The following AKAP9 variants were observed in gnomAD, a reference collection of about 807,000 sequenced individuals.
AKAP9 encodes the protein A-kinase anchor protein 9.
In AKAP9, 311 loss-of-function variants were observed where a neutral mutation model predicts 488.5. The observed-to-expected ratio is 0.64, with a 90% CI of 0.58 to 0.70. The LOEUF (loss-of-function observed/expected upper bound fraction) is 0.70. Among genes scored for constraint, AKAP9 ranks in the 30% least tolerant of loss-of-function variants. AKAP9 has a pLI of 0.00. For missense variants in AKAP9, 4,215 were observed against 4,374.5 expected (o/e 0.96, Z 1.03); for synonymous variants, 1,462 against 1,483.5 (o/e 0.99, Z 0.33).
At chr7:91,980,607 CAT>C (rs982534830) in intron 3 of AKAP9, among the ~76,000 whole-genome samples, 4 of 134,668 alleles carry the variant, frequency 3.0e-5, no homozygotes, top group Non-Finnish European at 6.2e-5. Flanking sequence ...GTTTCTTAGA[CAT>C]GTGACTGTTA....
At position 92,107,407 on chromosome 7, in the gene AKAP9, T is replaced by TA; in HGVS notation, c.11532dup (p.Pro3845ThrfsTer5). 6.2e-7 allele frequency: 1 copy of TA among 1,613,708 alleles called. No homozygotes were observed. The highest frequency in any genetic ancestry group is 8.5e-7 in the Non-Finnish European group (1 of 1,179,780). On this transcript the variant is annotated frameshift_variant, in exon 48 of 50. Coordinates refer to ENST00000356239, the MANE Select transcript of AKAP9 (RefSeq NM_005751.5). LOFTEE classifies it high-confidence loss of function. Reference sequence around the variant, plus strand: ...GATCTGGACTATATTAGGTCCCCTTTACCATTTCAGAATAGGTAAGAATAT... The same window carrying TA: ...GATCTGGACTATATTAGGTCCCCTTTAACCATTTCAGAATAGGTAAGAATAT...
chr7:92,050,799 A>T (rs968172960), intron 21 of AKAP9, among the ~76,000 whole-genome samples: 5 of 152,164 alleles, frequency 3.3e-5, no homozygotes, highest in Admixed American at 6.6e-5. Context: ...AAATCCCATT[A>T]ACACTTCAGA....
intron 1 of AKAP9, 82 bp downstream of exon 1, chr7:91,941,229 C>A: frequency 7.1e-7 from 1 of 1,399,914 alleles, no homozygotes; most frequent in South Asian, 1.2e-5. Flanking sequence ...AAGCGGAGTT[C>A]GCCGCAGCCC....
At chr7:92,038,130 T>C (rs1805488350) in intron 16 of AKAP9, among the ~76,000 whole-genome samples, 1 of 152,168 alleles carries the variant, frequency 6.6e-6, no homozygotes, top group South Asian at 2.1e-4. Flanking sequence ...AAGAGAGAAA[T>C]ATAAGGGCTT....
Position 91,992,091 on chromosome 7 carries a change from G to A in AKAP9, c.352-67G>A, listed in dbSNP as rs549302363. On this transcript the variant is annotated intron_variant, in intron 3 of 49. Coordinates refer to ENST00000356239, the MANE Select transcript of AKAP9 (RefSeq NM_005751.5). ...GACATACACGTGAATACAGTTAACA[G>A]AAATATTGTTAGCTAAATAAAATTA... 7.6e-6 allele frequency: 10 copies of A among 1,314,522 alleles called. No homozygotes were observed. The African/African-American group carries it at 1.2e-4, about 15-fold the overall frequency. The allele number at this position is 1,314,522 out of a possible 1,614,324, so 81.4% of individuals were successfully genotyped here.
intron 28 of AKAP9, among the ~76,000 whole-genome samples, chr7:92,075,175 T>A (rs1812377705): frequency 6.6e-6 from 1 of 152,060 alleles, no homozygotes. Context: ...ACTCTACTGC[T>A]CTCGAGACCA....
chr7:92,077,743 G>A lies in AKAP9; in HGVS notation c.6813G>A (p.Met2271Ile). Reference sequence around the variant, plus strand: ...TTGCCATAAAGGAATCTGATGCCATGTCTACTCAAGACCAACATGTGCTAT... The same window carrying A: ...TTGCCATAAAGGAATCTGATGCCATATCTACTCAAGACCAACATGTGCTAT... ...LGLAIKESDA[M>I]STQDQHVLFG... The change falls in exon 30 of 50, where the codon ATG becomes ATA. Residue 2271 changes from methionine (M) to isoleucine (I), a missense_variant. Met to Ile is a conservative substitution (Grantham distance 10). Transcript: ENST00000356239. The A allele has an allele frequency of 6.2e-7, 1 of 1,613,850 alleles. No homozygotes were observed. The highest frequency in any genetic ancestry group is 8.5e-7 in the Non-Finnish European group (1 of 1,179,922).
intron 31 of AKAP9, among the ~76,000 whole-genome samples, chr7:92,080,770 A>G (rs2130864594): frequency 6.6e-6 from 1 of 152,340 alleles, no homozygotes; most frequent in South Asian, 2.1e-4. Flanking sequence ...AATAAAATAC[A>G]GAAATAGCTT....
rs1806751873 is a variant in AKAP9, at chr7:92,045,133, G to A, written c.5288G>A (p.Ser1763Asn). 6.2e-7 allele frequency: 1 copy of A among 1,613,650 alleles called. No individual in the cohort carries two copies. Among genetic ancestry groups the A allele is most frequent in the Non-Finnish European group, 8.5e-7 (1 of 1,179,934 alleles). Residue 1763 changes from serine to asparagine, a missense_variant, in exon 21 of 50, where the codon AGC becomes AAC. Ser to Asn is a conservative substitution (Grantham distance 46, BLOSUM62 1). Coordinates refer to ENST00000356239, the MANE Select transcript of AKAP9 (RefSeq NM_005751.5). ...VLGILDRSSK[S>N]QSSASLIWRS... ...GGGATTCTAGATAGATCTAGTAAAAGCCAGTCATCTGCCAGCCTAATTTGG... is the reference window on the plus strand; with the variant it reads ...GGGATTCTAGATAGATCTAGTAAAAACCAGTCATCTGCCAGCCTAATTTGG...
chr7:91,973,541 C>G (rs905396731), intron 1 of AKAP9, 170 bp from the exon 2 acceptor site: 11 of 715,802 alleles, frequency 1.5e-5, no homozygotes, highest in Non-Finnish European at 2.0e-5. Context: ...AGAAATGTTT[C>G]TTTGCATTCC....
At chr7:92,014,447 G>T (rs1358618281) in intron 10 of AKAP9, 119 bp downstream of exon 10, 1 of 719,210 alleles carries the variant, frequency 1.4e-6, no homozygotes, top group Non-Finnish European at 2.5e-6. Flanking sequence ...GGCCAACGTG[G>T]TGAAACCCCG....
intron 12 of AKAP9, among the ~76,000 whole-genome samples, chr7:92,017,877 A>G (rs947281345): frequency 6.6e-6 from 1 of 152,152 alleles, no homozygotes; most frequent in Non-Finnish European, 1.5e-5. Flanking sequence ...CCAAAAATCT[A>G]TAAACCTACT....
chr7:92,096,614 G>A (rs1450344843), intron 40 of AKAP9, 75 bp from the exon 41 acceptor site: 1 of 1,573,148 alleles, frequency 6.4e-7, no homozygotes, highest in Non-Finnish European at 8.7e-7. Context: ...TGGGATTACA[G>A]GCGTGAGCCA....
rs542223871 is a variant in AKAP9 at position 91,940,980 on chromosome 7, G to T, written c.-120G>T. 1.9e-6 allele frequency: 2 copies of T among 1,066,822 alleles called. No individual in the cohort carries two copies. Among genetic ancestry groups the T allele is most frequent in the South Asian group, 1.3e-5 (1 of 79,400 alleles). The allele number at this position is 1,066,822 out of a possible 1,614,324, so 66.1% of individuals were successfully genotyped here. On this transcript the variant is annotated 5_prime_UTR_variant, in exon 1 of 50. Transcript: ENST00000356239. ...TTCCACTTCGGGCGGGGGAGCGCCG[G>T]ACCGAATCGGCTCTCTAGGCCGTGG...
chr7:92,068,462 G>T (rs559333702), intron 26 of AKAP9, among the ~76,000 whole-genome samples: 1 of 151,318 alleles, frequency 6.6e-6, no homozygotes, highest in Non-Finnish European at 1.5e-5. Context: ...AAAAGTAGTC[G>T]TTTGTTGTAC....
chr7:92,093,353 G>C, intron 39 of AKAP9, 37 bp downstream of exon 39: 1 of 1,573,710 alleles, frequency 6.4e-7, no homozygotes, highest in Non-Finnish European at 8.7e-7. Context: ...ATGTAACAAG[G>C]AGTGGGAGTA....
intron 21 of AKAP9, among the ~76,000 whole-genome samples, chr7:92,050,212 G>A (rs1272371618): frequency 2.6e-5 from 4 of 151,722 alleles, no homozygotes; most frequent in Non-Finnish European, 5.9e-5. Flanking sequence ...CTACAGGCAC[G>A]TGCCACCATG....
rs1180956441 is a variant in AKAP9, at chr7:91,961,465, A to T, written c.49-12246A>T. 2.0e-5 allele frequency among the ~76,000 whole-genome samples: 3 copies of T among 151,896 alleles called. No homozygotes were observed. The East Asian group carries it at 5.8e-4, about 30-fold the overall frequency. ...ACTGCAGGGATTACAGGTGTGAGTCACCACACCTGGCCAAAACTTGGCATA... is the reference window on the plus strand; with the variant it reads ...ACTGCAGGGATTACAGGTGTGAGTCTCCACACCTGGCCAAAACTTGGCATA... On this transcript the variant is annotated intron_variant, in intron 1 of 49. Coordinates refer to ENST00000356239, the MANE Select transcript of AKAP9 (RefSeq NM_005751.5).
chr7:92,047,382 A>G (rs1807184570), intron 21 of AKAP9, among the ~76,000 whole-genome samples: 1 of 151,964 alleles, frequency 6.6e-6, no homozygotes, highest in South Asian at 2.1e-4. Flanking sequence ...ATGCCTGGCT[A>G]ATATTTTTGT....
Sources: gnomAD v4.1 joint callset for allele counts (sites outside exome capture counted in the v4.1 genomes callset) on GRCh38, gnomAD v4.1.1 for gene constraint, MANE v1.5 for transcripts, NCBI Gene and HGNC (gene_info 2026-07-23, HGNC 2026-07-21) for gene names.